SLC66A2: variants seen among roughly 807,000 people sequenced by gnomAD.
SLC66A2 encodes the protein PQ loop repeat containing 1.
A neutral mutation model predicts 25.5 loss-of-function variants in SLC66A2; 23 were observed. The observed-to-expected ratio is 0.90, with a 90% CI of 0.65 to 1.28. The LOEUF is 1.28. Among genes scored for constraint, SLC66A2 ranks in the 50% most tolerant of loss-of-function variants. SLC66A2 has a pLI of 0.00. For synonymous variants in SLC66A2, 193 were observed against 166.5 expected (o/e 1.16, Z -1.23); for missense variants, 396 against 373.1 (o/e 1.06, Z -0.51).
chr18:79,948,743 T>C (rs748808527), intron 2 of SLC66A2, among the ~76,000 whole-genome samples: 1 of 152,196 alleles, frequency 6.6e-6, no homozygotes, highest in Non-Finnish European at 1.5e-5. Context: ...CAGGCAATTT[T>C]CCTCCATTAT....
chr18:79,939,444 AACAG>A (rs1450212560), intron 3 of SLC66A2, among the ~76,000 whole-genome samples: 2 of 152,266 alleles, frequency 1.3e-5, no homozygotes, highest in African/African-American at 4.8e-5. Context: ...CAACAGAGCA[AACAG>A]ACAACCTACA....
chr18:79,922,106 G>A (rs955790939), intron 4 of SLC66A2, among the ~76,000 whole-genome samples: 6 of 151,880 alleles, frequency 4.0e-5, no homozygotes, highest in East Asian at 3.9e-4. Flanking sequence ...TCTTGATCAT[G>A]CCCCCCTGAA....
intron 4 of SLC66A2, among the ~76,000 whole-genome samples, chr18:79,925,393 T>G (rs2144824197): frequency 6.6e-6 from 1 of 152,348 alleles, no homozygotes; most frequent in South Asian, 2.1e-4. Flanking sequence ...CAGTGCAGAC[T>G]CACACGCCGT....
Position 79,941,436 on chromosome 18 carries a change from A to G in SLC66A2, c.337+1893T>C, listed in dbSNP as rs1987659461. ...CAGGGCACGGACGTCTCCAGGGGCC[A>G]TTATTCTGTACACCCACAGAGGGTG... On this transcript the variant is annotated intron_variant, in intron 3 of 5. Transcript: ENST00000397778. This position sits in a 1 kb window ranked among gnomAD's most constrained non-coding sequence, Gnocchi z 4.1. The G allele has an allele frequency of 6.6e-6, 1 of 152,216 alleles. No homozygotes were observed. Among genetic ancestry groups the G allele is most frequent in the Admixed American group, 6.5e-5 (1 of 15,280 alleles). The allele number at this position is 152,216 out of a possible 1,614,324, so 9.4% of individuals were successfully genotyped here.
At chr18:79,929,527 C>T (rs1986351082) in intron 4 of SLC66A2, among the ~76,000 whole-genome samples, 1 of 152,070 alleles carries the variant, frequency 6.6e-6, no homozygotes, top group Non-Finnish European at 1.5e-5. Flanking sequence ...AACAAGAAAA[C>T]AAAATGAGTT....
intron 5 of SLC66A2, chr18:79,916,049 A>ACCCT: frequency 1.4e-5 from 3 of 211,520 alleles, no homozygotes; most frequent in African/African-American, 8.0e-5. Flanking sequence ...GTGCTCCCGT[A>ACCCT]CCCATGGCGC....
chr18:79,915,282 A>C (rs992742534), intron 5 of SLC66A2: 3 of 152,208 alleles, frequency 2.0e-5, no homozygotes, highest in Non-Finnish European at 4.4e-5. Flanking sequence ...GGGCGGGGCC[A>C]GCCCCACCCC....
chr18:79,938,660 A>T (rs909114407), intron 3 of SLC66A2, among the ~76,000 whole-genome samples: 1 of 152,092 alleles, frequency 6.6e-6, no homozygotes, highest in Non-Finnish European at 1.5e-5. Flanking sequence ...GGTGGGGTGG[A>T]GGCTGTTTTT....
intron 5 of SLC66A2, among the ~76,000 whole-genome samples, chr18:79,907,779 G>T (rs1982351701): frequency 6.6e-6 from 1 of 151,970 alleles, no homozygotes; most frequent in African/African-American, 2.4e-5. Flanking sequence ...ACAACTGGAG[G>T]AACACTGCTG....
At chr18:79,943,687 A>C in intron 2 of SLC66A2, 1 of 497,616 alleles carries the variant, frequency 2.0e-6, no homozygotes. Flanking sequence ...AGGCCCACCC[A>C]TGCCGCCTCT....
intron 4 of SLC66A2, 22 bp from the exon 5 acceptor site, chr18:79,919,422 G>A (rs1984715754): frequency 1.2e-6 from 2 of 1,603,894 alleles, no homozygotes; most frequent in African/African-American, 2.7e-5. Context: ...GGGAGAAGCA[G>A]CCTCAGCACA....
Position 79,911,674 on chromosome 18 carries a change from G to A in SLC66A2, c.609-7491C>T, listed in dbSNP as rs140556501. 1.2e-3 allele frequency among the ~76,000 whole-genome samples: 178 copies of A among 152,332 alleles called. 1 individual carries two copies. The highest frequency in any genetic ancestry group is 3.9e-3 in the African/African-American group (164 of 41,572). On this transcript the variant is annotated intron_variant, in intron 5 of 5. Transcript: ENST00000397778. ...GAAGATGGCTCCACCACCATGGCAC[G>A]GGGACTGGAATCCCAGCCATCCCCC... is the stretch of plus-strand genomic sequence containing the variant.
intron 4 of SLC66A2, among the ~76,000 whole-genome samples, chr18:79,931,911 G>A (rs957703464): frequency 6.6e-6 from 1 of 152,158 alleles, no homozygotes; most frequent in African/African-American, 2.4e-5. Context: ...CAGCTACTTG[G>A]GAGGCTGAGG....
chr18:79,938,689 T>C (rs150621646), intron 3 of SLC66A2, among the ~76,000 whole-genome samples: 1 of 152,338 alleles, frequency 6.6e-6, no homozygotes, highest in East Asian at 1.9e-4. Context: ...CTTTGTTTTG[T>C]TTTTTAAGAT....
rs1981801955 is a variant in SLC66A2, at chr18:79,904,692, G to A, written c.609-509C>T. 6.6e-6 allele frequency among the ~76,000 whole-genome samples: 1 copy of A among 152,170 alleles called. No homozygotes were observed. Among genetic ancestry groups the A allele is most frequent in the Non-Finnish European group, 1.5e-5 (1 of 68,016 alleles). ...GCAGAGCAGCTGCTTTTGGGTCTCT[G>A]CCGGCCTCCCTCCCTGGTGATAGAT... is the stretch of plus-strand genomic sequence containing the variant. On this transcript the variant is annotated intron_variant, in intron 5 of 5. Coordinates refer to ENST00000397778, the MANE Select transcript of SLC66A2 (RefSeq NM_025078.5). This position sits in a 1 kb window ranked among gnomAD's most constrained non-coding sequence, Gnocchi z 6.3.
chr18:79,931,003 T>C (rs1274628087), intron 4 of SLC66A2, among the ~76,000 whole-genome samples: 3 of 152,222 alleles, frequency 2.0e-5, no homozygotes, highest in Non-Finnish European at 4.4e-5. Flanking sequence ...TTAGTATAAA[T>C]TTGAAGTAGA....
In SLC66A2 at chr18:79,903,409, C is replaced by G. The variant is rs13838; in HGVS notation, c.*567G>C. On this transcript the variant is annotated 3_prime_UTR_variant, in exon 6 of 6. Transcript: ENST00000397778. ...AGGAAACACCGACTGTCAGAAAACC[C>G]GGAGCACGGTGACCCTGCGTCCGCA... The G allele has an allele frequency of 0.16, 24,556 of 153,204 alleles. 2,253 individuals are homozygous for G. The highest frequency in any genetic ancestry group is 0.23 in the African/African-American group (9,636 of 41,562). The allele number at this position is 153,204 out of a possible 1,614,324, so 9.5% of individuals were successfully genotyped here.
At chr18:79,934,682 A>C (rs868680313) in intron 3 of SLC66A2, among the ~76,000 whole-genome samples, 3 of 152,196 alleles carry the variant, frequency 2.0e-5, no homozygotes, top group African/African-American at 7.2e-5. Flanking sequence ...CCTGGAAAAC[A>C]GTGTGGCCTC....
intron 4 of SLC66A2, 92 bp downstream of exon 4, chr18:79,933,877 T>C (rs1423826956): frequency 8.8e-7 from 1 of 1,142,166 alleles, no homozygotes; most frequent in Non-Finnish European, 1.3e-6. Flanking sequence ...CGCACGCACA[T>C]GCACAGATGG....
Sources: allele counts gnomAD v4.1 joint callset (sites outside exome capture counted in the v4.1 genomes callset), GRCh38; gene constraint gnomAD v4.1.1; non-coding constraint Gnocchi (gnomAD v3.1); transcripts MANE v1.5; gene names NCBI Gene and HGNC (gene_info 2026-07-23, HGNC 2026-07-21).